Variants in HMCN1 observed in about 807,000 individuals in gnomAD.
The protein encoded by HMCN1 is hemicentin-1.
Under a neutral mutation model 625.9 loss-of-function variants are expected in HMCN1, and 321 were observed. The ratio of observed to expected loss-of-function variants is 0.51; its 90% CI spans 0.47 to 0.56. The LOEUF (loss-of-function observed/expected upper bound fraction) is 0.56. HMCN1 is among the 20% of genes least tolerant of loss of function. The probability of loss-of-function intolerance (pLI) is 0.00; values close to 1 mark genes in which losing one functional copy is unlikely to be tolerated. For missense variants in HMCN1, 6,588 were observed against 6,887.3 expected, an observed-to-expected ratio of 0.96 and a Z score of 1.54; for synonymous variants, 2,425 against 2,417.6, an observed-to-expected ratio of 1.00 and a Z score of -0.09.
At position 186,042,369 on chromosome 1, in the gene HMCN1, AT is replaced by A. The variant is rs1656269589; in HGVS notation, c.6304+1234del. On this transcript the variant is annotated intron_variant, in intron 40 of 106. Transcript: ENST00000271588. Reference sequence around the variant, plus strand: ...TCAATCAATCTAAGTATGTAACACAATAGTTCTTCAGTCATTAGGAAGCAAG... The same window carrying A: ...TCAATCAATCTAAGTATGTAACACAAAGTTCTTCAGTCATTAGGAAGCAAG... Among the ~76,000 whole-genome samples the A allele has an allele frequency of 2.0e-5, 3 of 152,280 alleles. 1 individual carries two copies. In the South Asian group the frequency reaches 6.2e-4, roughly 32 times the overall value.
At chr1:185,892,598 A>AG (rs1298962851) in intron 4 of HMCN1, among the ~76,000 whole-genome samples, 4 of 151,926 alleles carry the variant, frequency 2.6e-5, no homozygotes, top group Non-Finnish European at 5.9e-5. Context: ...CCCCTGCTGG[A>AG]GGGTGCCTCC....
At chr1:185,890,504 T>G (rs1225343250) in intron 4 of HMCN1, among the ~76,000 whole-genome samples, 2 of 146,076 alleles carry the variant, frequency 1.4e-5, no homozygotes, top group Non-Finnish European at 2.9e-5. Context: ...GATTCTGGTA[T>G]GTTGTGTCTT....
chr1:186,006,833 G>A (rs1435511136), intron 29 of HMCN1, among the ~76,000 whole-genome samples: 1 of 151,578 alleles, frequency 6.6e-6, no homozygotes, highest in East Asian at 1.9e-4. Context: ...AAAAGAATAA[G>A]AATGGATGAA....
intron 100 of HMCN1, among the ~76,000 whole-genome samples, chr1:186,167,876 C>T (rs1478576766): frequency 2.0e-5 from 3 of 151,918 alleles, no homozygotes; most frequent in Admixed American, 6.6e-5. Context: ...AGTTTATCTA[C>T]CTAGTGAAGG....
intron 57 of HMCN1, among the ~76,000 whole-genome samples, chr1:186,085,196 T>C (rs928844574): frequency 2.0e-5 from 3 of 152,152 alleles, no homozygotes; most frequent in Non-Finnish European, 2.9e-5. Flanking sequence ...CTTCACGCCC[T>C]CCTCAAAAAT....
At chr1:186,117,392 T>G in intron 76 of HMCN1, 67 bp from the exon 77 acceptor site, 1 of 1,548,000 alleles carries the variant, frequency 6.5e-7, no homozygotes, top group Non-Finnish European at 8.9e-7. Context: ...GTATGATAAG[T>G]CTTTGGAAAT....
At chr1:185,976,722 A>G (rs74838187) in intron 15 of HMCN1, among the ~76,000 whole-genome samples, 1 of 152,274 alleles carries the variant, frequency 6.6e-6, no homozygotes, top group Non-Finnish European at 1.5e-5. Flanking sequence ...TACCTACCCC[A>G]TAGAGATATT....
chr1:185,922,131 C>T (rs1236597985), intron 6 of HMCN1, among the ~76,000 whole-genome samples: 1 of 152,140 alleles, frequency 6.6e-6, no homozygotes, highest in Non-Finnish European at 1.5e-5. Flanking sequence ...TAAACCCTTA[C>T]ATCTTTTATC....
At chr1:185,797,504 ACTATATT>A (rs1387694109) in intron 1 of HMCN1, among the ~76,000 whole-genome samples, 1 of 152,170 alleles carries the variant, frequency 6.6e-6, no homozygotes, top group Non-Finnish European at 1.5e-5. Context: ...ATGCAGTCTC[ACTATATT>A]GCCCAGGCTG....
chr1:185,840,821 T>C (rs1171062698), intron 1 of HMCN1, among the ~76,000 whole-genome samples: 1 of 152,156 alleles, frequency 6.6e-6, no homozygotes, highest in East Asian at 1.9e-4. Flanking sequence ...TATTTATTCA[T>C]GTATAACTAT....
intron 68 of HMCN1, among the ~76,000 whole-genome samples, chr1:186,098,396 C>A (rs558673424): frequency 1.8e-4 from 28 of 151,994 alleles, no homozygotes; most frequent in Admixed American, 1.3e-4. Context: ...ACAGACATTT[C>A]TCAAAAGATG....
intron 1 of HMCN1, among the ~76,000 whole-genome samples, chr1:185,757,106 C>A (rs2102110768): frequency 1.3e-5 from 2 of 152,308 alleles, no homozygotes; most frequent in Middle Eastern, 6.8e-3. Context: ...TCCCAAGTAG[C>A]TGGGATTACA....
At chr1:185,949,298 C>G (rs1034337025) in intron 11 of HMCN1, among the ~76,000 whole-genome samples, 5 of 151,736 alleles carry the variant, frequency 3.3e-5, no homozygotes, top group Non-Finnish European at 5.9e-5. Flanking sequence ...GTAGGGATGA[C>G]AAGTTTTTTT....
chr1:185,802,856 A>G (rs1427754142), intron 1 of HMCN1, among the ~76,000 whole-genome samples: 1 of 152,108 alleles, frequency 6.6e-6, no homozygotes, highest in Non-Finnish European at 1.5e-5. Context: ...GAAAGATGGA[A>G]TGATAGTGAA....
chr1:186,053,138 T>G (rs557559707), intron 43 of HMCN1, 64 bp downstream of exon 43: 1,259 of 1,447,592 alleles, frequency 8.7e-4, no homozygotes, highest in Non-Finnish European at 1.1e-3. Flanking sequence ...TGATTTCGTT[T>G]AATAAATGTG....
At chr1:186,052,390 G>C (rs1364199872) in intron 42 of HMCN1, among the ~76,000 whole-genome samples, 1 of 152,020 alleles carries the variant, frequency 6.6e-6, no homozygotes. Context: ...GAAAATCATG[G>C]GTAGTCAGTA....
chr1:186,146,836 T>C (rs968739632), intron 93 of HMCN1, among the ~76,000 whole-genome samples: 4 of 152,034 alleles, frequency 2.6e-5, no homozygotes, highest in Admixed American at 2.0e-4. Context: ...GAGGTCCAAA[T>C]AGGTTGACAG....
chr1:186,151,150 G>A (rs748246127), intron 93 of HMCN1, 50 bp from the exon 94 acceptor site: 3 of 1,593,830 alleles, frequency 1.9e-6, no homozygotes, highest in Admixed American at 1.7e-5. Context: ...CCCATGTAAT[G>A]TTGATGAAAT....
Position 186,082,949 on chromosome 1 carries a change from C to T in HMCN1, c.8872C>T (p.Leu2958Phe), listed in dbSNP as rs894335063. The T allele has an allele frequency of 6.9e-6, 11 of 1,585,204 alleles. No individual in the cohort carries two copies. Among genetic ancestry groups the T allele is most frequent in the Non-Finnish European group, 8.6e-6 (10 of 1,161,526 alleles). The change falls in exon 57 of 107, where the codon CTC becomes TTC. Residue 2958 changes from leucine to phenylalanine, a missense_variant. Transcript: ENST00000271588. Reference sequence around the variant, plus strand: ...TGGGAGTGCCAAAAAATATTTTAACCTCAATGTTCATGGTAAGAGCTCAGT... The same window carrying T: ...TGGGAGTGCCAAAAAATATTTTAACTTCAATGTTCATGGTAAGAGCTCAGT... ...TAGSAKKYFN[L>F]NVHVPPSVIG...
Sources: allele counts gnomAD v4.1 joint callset (sites outside exome capture counted in the v4.1 genomes callset), GRCh38; gene constraint gnomAD v4.1.1; transcripts MANE v1.5; gene names NCBI Gene and HGNC (gene_info 2026-07-23, HGNC 2026-07-21).